Variants in ANK2 observed in about 807,000 individuals in gnomAD.
ANK2 encodes ankyrin-2.
ANK2 carries 83 observed loss-of-function variants against 360.5 expected under a neutral mutation model. That is an observed-to-expected ratio of 0.23 (90% CI 0.19 to 0.28). ANK2 has a LOEUF of 0.28. Among genes scored for constraint, ANK2 ranks in the 10% least tolerant of loss-of-function variants. The probability of loss-of-function intolerance (pLI) is 1.00; values close to 1 mark genes in which losing one functional copy is unlikely to be tolerated. For synonymous variants in ANK2, 1,740 were observed against 1,759.5 expected (o/e 0.99, Z 0.28); for missense variants, 4,201 against 4,795.7 (o/e 0.88, Z 3.66).
At chr4:113,329,615 T>G (rs752656405) in intron 26 of ANK2, among the ~76,000 whole-genome samples, 3 of 152,196 alleles carry the variant, frequency 2.0e-5, no homozygotes, top group African/African-American at 7.2e-5. Flanking sequence ...GCTGTTCATT[T>G]CAATTAGAAT....
At chr4:112,859,065 T>C (rs1453555398) in intron 1 of ANK2, among the ~76,000 whole-genome samples, 1 of 152,216 alleles carries the variant, frequency 6.6e-6, no homozygotes, top group Non-Finnish European at 1.5e-5. Flanking sequence ...CTCTGCACTC[T>C]TCCTAGAACT....
At chr4:112,885,714 G>A (rs752821551) in intron 1 of ANK2, among the ~76,000 whole-genome samples, 3 of 142,290 alleles carry the variant, frequency 2.1e-5, no homozygotes, top group Non-Finnish European at 3.0e-5. Context: ...GGAGAATGGC[G>A]TGAACCTGGG....
intron 23 of ANK2, among the ~76,000 whole-genome samples, chr4:113,303,942 G>A (rs1219156673): frequency 1.3e-5 from 2 of 152,146 alleles, no homozygotes; most frequent in Non-Finnish European, 2.9e-5. Context: ...ACTTTACATT[G>A]AGATGTCCTT....
intron 2 of ANK2, among the ~76,000 whole-genome samples, chr4:112,954,092 C>T (rs555722738): frequency 2.8e-4 from 43 of 152,258 alleles, no homozygotes; most frequent in African/African-American, 2.6e-4. Flanking sequence ...ATGGTCATCA[C>T]TGTGTGAACA....
Position 113,282,856 on chromosome 4 carries a change from T to A in ANK2, c.2063T>A (p.Ile688Asn), listed in dbSNP as rs746436835. Residue 688 changes from isoleucine (I) to asparagine (N), a missense_variant, in exon 18 of 46, where the codon ATC (isoleucine) becomes AAC (asparagine). Around this residue, in one of 4 missense-constraint regions of ANK2, gnomAD observed 1,268 missense variants for 1,650.8 expected, o/e 0.77. Coordinates refer to ENST00000357077, the MANE Select transcript of ANK2 (RefSeq NM_001148.6). ...VTLLLDKGAN[I>N]HMSTKSGLTS... ...TTGCTTCTGGATAAGGGAGCCAATA[T>A]CCACATGTCAACTAAGGTATTCTGT... 2.5e-6 allele frequency: 4 copies of A among 1,613,822 alleles called. No homozygotes were observed. In the East Asian group the frequency reaches 8.9e-5, roughly 36 times the overall value.
intron 2 of ANK2, among the ~76,000 whole-genome samples, chr4:113,028,076 CTG>C (rs916068152): frequency 2.0e-5 from 3 of 151,842 alleles, no homozygotes; most frequent in African/African-American, 4.8e-5. Flanking sequence ...TTAACACACA[CTG>C]TGGATTTTGC....
At chr4:113,006,375 A>G (rs1200467560) in intron 2 of ANK2, among the ~76,000 whole-genome samples, 1 of 152,242 alleles carries the variant, frequency 6.6e-6, no homozygotes, top group African/African-American at 2.4e-5. Flanking sequence ...AAAAGAGATG[A>G]GAAGATAGTG....
rs79017126 is a variant in ANK2, at chr4:112,998,114, A to T, written c.21+93600A>T. Among the ~76,000 whole-genome samples, 1,187 of 152,150 alleles carry T rather than the reference A, an allele frequency of 7.8e-3. 16 individuals are homozygous for T. Among genetic ancestry groups the T allele is most frequent in the African/African-American group, 0.027 (1,132 of 41,518 alleles). On this transcript the variant is annotated intron_variant, in intron 2 of 30. Transcript: ENST00000503271. ...ATAAAAAGTCCATTAGTTAAGACTG[A>T]TGTTAAGACAGTGTCCAACACACTG...
intron 2 of ANK2, among the ~76,000 whole-genome samples, chr4:112,963,423 CT>C (rs1440089229): frequency 1.3e-5 from 2 of 152,234 alleles, no homozygotes; most frequent in African/African-American, 4.8e-5. Context: ...AATTACAGCT[CT>C]TAGGTTGAGT....
intron 2 of ANK2, among the ~76,000 whole-genome samples, chr4:113,004,673 C>T (rs1406775184): frequency 6.6e-6 from 1 of 152,194 alleles, no homozygotes; most frequent in African/African-American, 2.4e-5. Flanking sequence ...ATAGTAAATA[C>T]ATAAACCAGT....
chr4:113,059,481 T>C (rs1167234894), intron 1 of ANK2, among the ~76,000 whole-genome samples: 1 of 152,074 alleles, frequency 6.6e-6, no homozygotes, highest in Non-Finnish European at 1.5e-5. Flanking sequence ...AGAAAAGGTG[T>C]TCAAAAGAGA....
the ANK2 span, among the ~76,000 whole-genome samples, chr4:112,801,210 G>A: frequency 6.6e-6 from 1 of 152,130 alleles, no homozygotes; most frequent in African/African-American, 2.4e-5. Flanking sequence ...TGGGATTTAT[G>A]TGTCTTAAAT....
intron 2 of ANK2, among the ~76,000 whole-genome samples, chr4:112,940,659 A>G (rs536216480): frequency 2.0e-5 from 3 of 152,336 alleles, no homozygotes; most frequent in Admixed American, 6.5e-5. Flanking sequence ...TATTTAGCAT[A>G]CAAACCTCTG....
At chr4:113,348,075 A>G in intron 35 of ANK2, 1 of 596,394 alleles carries the variant, frequency 1.7e-6, no homozygotes, top group South Asian at 2.1e-5. Context: ...TCTTGAATCT[A>G]TAAACTTTGT....
intron 1 of ANK2, among the ~76,000 whole-genome samples, chr4:113,064,138 G>C (rs114636386): frequency 2.0e-5 from 3 of 152,186 alleles, no homozygotes; most frequent in Non-Finnish European, 4.4e-5. Flanking sequence ...TTGCTGAATT[G>C]TTTACAGGTG....
intron 24 of ANK2, chr4:113,317,387 A>G (rs1016060081): frequency 2.6e-6 from 1 of 384,904 alleles, no homozygotes; most frequent in Non-Finnish European, 5.0e-6. Context: ...TTCCTGAGTG[A>G]ATTTCTGGTA....
chr4:113,013,294 A>G (rs1222763505), intron 2 of ANK2, among the ~76,000 whole-genome samples: 1 of 152,140 alleles, frequency 6.6e-6, no homozygotes, highest in Admixed American at 6.5e-5. Context: ...GTCAAAGATC[A>G]TTTCCATCTG....
rs148540737 is a variant in ANK2, at chr4:113,025,099, T to G, written c.21+120585T>G. Among the ~76,000 whole-genome samples the G allele has an allele frequency of 7.7e-3, 1,179 of 152,204 alleles. 6 individuals are homozygous for G. Among genetic ancestry groups the G allele is most frequent in the Non-Finnish European group, 9.3e-3 (633 of 67,990 alleles). On this transcript the variant is annotated intron_variant, in intron 2 of 30. Transcript: ENST00000503271. ...TTTTTTCTAATTCTTACATCCATAA[T>G]TCATGTACAAAGTTCTCCTTAATAG...
intron 7 of ANK2, 107 bp downstream of exon 7, chr4:113,237,729 A>G (rs2099394664): frequency 2.8e-6 from 3 of 1,060,208 alleles, no homozygotes; most frequent in Non-Finnish European, 4.4e-6. Flanking sequence ...AGTTTGATTA[A>G]TGGGAAATTA....
Sources: gnomAD v4.1 joint callset for allele counts (sites outside exome capture counted in the v4.1 genomes callset) on GRCh38, gnomAD v4.1.1 for gene constraint, gnomAD v4.1.1 regional missense constraint, MANE v1.5 for transcripts, NCBI Gene and HGNC (gene_info 2026-07-23, HGNC 2026-07-21) for gene names.